ELF1: variants seen among roughly 807,000 people sequenced by gnomAD.
ELF1 encodes the protein ETS-related transcription factor Elf-1.
In ELF1, 24 loss-of-function variants were observed where a neutral mutation model predicts 59.9. The ratio of observed to expected loss-of-function variants is 0.40; its 90% confidence interval spans 0.29 to 0.56. ELF1 has a LOEUF of 0.56. Among genes scored for constraint, ELF1 ranks in the 20% least tolerant of loss-of-function variants. The probability of loss-of-function intolerance (pLI) is 0.44; values close to 1 mark genes in which losing one functional copy is unlikely to be tolerated. For synonymous variants in ELF1, 248 were observed against 266.2 expected (o/e 0.93, Z 0.67); for missense variants, 627 against 742.2 (o/e 0.84, Z 1.80).
chr13:40,949,442 G>C (rs887518381), intron 5 of ELF1, among the ~76,000 whole-genome samples: 2 of 151,898 alleles, frequency 1.3e-5, no homozygotes, highest in Non-Finnish European at 1.5e-5. Context: ...GCTGAAACCT[G>C]TAACTCCTGA....
intron 2 of ELF1, among the ~76,000 whole-genome samples, chr13:40,978,248 C>T (rs752687810): frequency 2.6e-5 from 4 of 151,614 alleles, no homozygotes; most frequent in Non-Finnish European, 4.4e-5. Context: ...CGTGGTGGTG[C>T]GTGTCTGTAG....
At chr13:41,031,935 A>G (rs1566194766) in intron 1 of ELF1, among the ~76,000 whole-genome samples, 1 of 151,970 alleles carries the variant, frequency 6.6e-6, no homozygotes, top group East Asian at 1.9e-4. Context: ...ATCCATGAAA[A>G]TGTAATTATA....
At chr13:40,935,672 AC>A (rs1180531469) in intron 8 of ELF1, among the ~76,000 whole-genome samples, 5 of 124,400 alleles carry the variant, frequency 4.0e-5, no homozygotes, top group South Asian at 2.9e-4. Flanking sequence ...ATAGCCAGAT[AC>A]CATTTTTTTT....
At chr13:41,029,266 A>T (rs573823260) in intron 1 of ELF1, among the ~76,000 whole-genome samples, 1 of 152,376 alleles carries the variant, frequency 6.6e-6, no homozygotes, top group Non-Finnish European at 1.5e-5. Flanking sequence ...CAAGTTGACA[A>T]GGGGTGGAAC....
intron 1 of ELF1, among the ~76,000 whole-genome samples, chr13:40,999,353 G>A (rs1165892282): frequency 1.1e-4 from 1 of 9,122 alleles, no homozygotes; most frequent in African/African-American, 2.2e-4. Context: ...GACTAAAGGG[G>A]AAAGGAAAAG....
intron 1 of ELF1, among the ~76,000 whole-genome samples, chr13:41,037,152 G>A (rs1876415294): frequency 6.6e-6 from 1 of 151,626 alleles, no homozygotes; most frequent in South Asian, 2.1e-4. Context: ...TTTAGACTTA[G>A]ATTCATTTTA....
intron 2 of ELF1, among the ~76,000 whole-genome samples, chr13:40,959,365 A>G (rs1871667052): frequency 6.6e-6 from 1 of 152,034 alleles, no homozygotes; most frequent in South Asian, 2.1e-4. Flanking sequence ...GCACGGTGGC[A>G]TGCACCTGTA....
chr13:40,983,588 C>G (rs1282438917), intron 1 of ELF1, among the ~76,000 whole-genome samples: 1 of 152,116 alleles, frequency 6.6e-6, no homozygotes, highest in Non-Finnish European at 1.5e-5. Flanking sequence ...ATTTCCCACT[C>G]TCATCCACTC....
At chr13:40,993,641 T>C (rs1374749567) in intron 1 of ELF1, among the ~76,000 whole-genome samples, 1 of 152,088 alleles carries the variant, frequency 6.6e-6, no homozygotes, top group Non-Finnish European at 1.5e-5. Flanking sequence ...CTACCACACC[T>C]GACTAATTTT....
At position 40,945,974 on chromosome 13, in the gene ELF1, G is replaced by C. The variant is rs148252030; in HGVS notation, c.530-2049C>G. ...TTCTCGTGCCTCAGCCTCCCAAGTA[G>C]CTGGGATTACAGGCACGTACCACCA... On this transcript the variant is annotated intron_variant, in intron 5 of 8. Transcript: ENST00000239882. Among the ~76,000 whole-genome samples, 15 of 152,262 alleles carry C rather than the reference G, an allele frequency of 9.9e-5. No homozygotes were observed. The South Asian group carries it at 1.0e-3, about 11-fold the overall frequency.
At chr13:40,951,134 G>T (rs994798564) in intron 4 of ELF1, among the ~76,000 whole-genome samples, 195 bp downstream of exon 4, 9 of 152,060 alleles carry the variant, frequency 5.9e-5, no homozygotes, top group Non-Finnish European at 1.3e-4. Context: ...GTTCCCAAAG[G>T]CTTCATTCTC....
intron 3 of ELF1, among the ~76,000 whole-genome samples, chr13:40,955,649 C>A (rs1490092018): frequency 1.8e-5 from 2 of 110,914 alleles, no homozygotes; most frequent in Non-Finnish European, 4.0e-5. Context: ...CTCTGCCCGG[C>A]CAGCCGCCCC....
Position 40,982,819 on chromosome 13 carries a change from T to TA in ELF1, c.-228-538dup, listed in dbSNP as rs1346379719. The TA allele has an allele frequency of 9.3e-6, 9 of 972,824 alleles. No homozygotes were observed. The Admixed American group carries it at 5.5e-4, about 60-fold the overall frequency. 60.3% of individuals were successfully genotyped at this position (972,824 alleles called of 1,614,324 possible). A position where few individuals can be genotyped will look rare whatever the true frequency, so the allele number is the denominator to read the frequency against. ...ATTAAAGCCCACTCTTTCTGTTCTT[T>TA]AAAAAGGCTTCTGATAAGTAAAATG... On this transcript the variant is annotated intron_variant, in intron 1 of 8. Coordinates refer to ENST00000239882, the MANE Select transcript of ELF1 (RefSeq NM_172373.4).
intron 1 of ELF1, among the ~76,000 whole-genome samples, chr13:41,049,672 T>A (rs999172627): frequency 1.3e-5 from 2 of 152,150 alleles, no homozygotes; most frequent in African/African-American, 4.8e-5. Flanking sequence ...TCTTCCCTTT[T>A]CTCCCTTTCT....
In ELF1 at chr13:41,033,774, A is replaced by G. The variant is rs538639921; in HGVS notation, c.-229+27064T>C. Among the ~76,000 whole-genome samples the G allele has an allele frequency of 9.2e-5, 14 of 152,296 alleles. No individual in the cohort carries two copies. The East Asian group carries it at 2.5e-3, about 27-fold the overall frequency. On this transcript the variant is annotated intron_variant, in intron 1 of 1. Coordinates refer to the ELF1 transcript ENST00000405737. ...TCTGTGGAAAAATTGTGTTCCATGA[A>G]ACTGGTCACTGGTGCCAAAAAGGTT...
At chr13:41,057,822 C>T (rs1350042424) in intron 1 of ELF1, among the ~76,000 whole-genome samples, 1 of 152,178 alleles carries the variant, frequency 6.6e-6, no homozygotes, top group Non-Finnish European at 1.5e-5. Context: ...AGAATGAATC[C>T]TCACAAACTG....
chr13:41,040,632 A>G (rs1301509505), intron 1 of ELF1, among the ~76,000 whole-genome samples: 1 of 152,100 alleles, frequency 6.6e-6, no homozygotes, highest in African/African-American at 2.4e-5. Context: ...TACAGTTCAC[A>G]ATACGGTTCA....
At chr13:41,007,960 G>A (rs1378396781) in intron 1 of ELF1, among the ~76,000 whole-genome samples, 1 of 152,178 alleles carries the variant, frequency 6.6e-6, no homozygotes, top group Non-Finnish European at 1.5e-5. Context: ...GAAACTGCGA[G>A]TGCCTCTGCC....
intron 5 of ELF1, among the ~76,000 whole-genome samples, chr13:40,947,821 G>A (rs1173535721): frequency 1.3e-5 from 2 of 152,176 alleles, no homozygotes; most frequent in African/African-American, 4.8e-5. Flanking sequence ...GAAACCCTAG[G>A]ATTAGTTCTC....
Sources: gnomAD v4.1 joint callset for allele counts (sites outside exome capture counted in the v4.1 genomes callset) on GRCh38, gnomAD v4.1.1 for gene constraint, MANE v1.5 for transcripts, NCBI Gene and HGNC (gene_info 2026-07-23, HGNC 2026-07-21) for gene names.